B3GALT1: variants seen among roughly 807,000 people sequenced by gnomAD.
B3GALT1 encodes UDP-Gal:betaGlcNAc beta 1,3-galactosyltransferase, polypeptide 1.
In B3GALT1, 10 loss-of-function variants were observed where a neutral mutation model predicts 23.2. That is an observed-to-expected ratio of 0.43 (90% CI 0.27 to 0.73). The LOEUF (loss-of-function observed/expected upper bound fraction) is 0.73. Ranked by LOEUF, B3GALT1 falls within the 30% of genes least tolerant of loss-of-function variation. The pLI, the probability that B3GALT1 is intolerant of heterozygous loss-of-function variation, is 0.21. For missense variants in B3GALT1, 299 were observed against 405.4 expected (o/e 0.74, Z 2.25); for synonymous variants, 156 against 141.5 (o/e 1.10, Z -0.73).
chr2:167,438,938 G>A (rs1163456551), intron 1 of B3GALT1, among the ~76,000 whole-genome samples: 1 of 152,154 alleles, frequency 6.6e-6, no homozygotes, highest in African/African-American at 2.4e-5. Flanking sequence ...TCCATCTATA[G>A]CGCATAGAAA....
At chr2:167,601,247 A>T (rs1311929586) in intron 2 of B3GALT1, among the ~76,000 whole-genome samples, 1 of 151,396 alleles carries the variant, frequency 6.6e-6, no homozygotes, top group African/African-American at 2.4e-5. Flanking sequence ...TTTAATAGAG[A>T]TGGGGTGGCC....
At chr2:167,836,709 C>G (rs1477728037) in intron 4 of B3GALT1, among the ~76,000 whole-genome samples, 6 of 152,082 alleles carry the variant, frequency 3.9e-5, no homozygotes, top group African/African-American at 1.2e-4. Context: ...AAGAGCAACT[C>G]CAAGACACAT....
chr2:167,416,738 G>C (rs1698477006), intron 1 of B3GALT1, among the ~76,000 whole-genome samples: 1 of 152,144 alleles, frequency 6.6e-6, no homozygotes, highest in Non-Finnish European at 1.5e-5. Context: ...CATAGAGATG[G>C]GGCTACCTGA....
intron 2 of B3GALT1, among the ~76,000 whole-genome samples, chr2:167,582,520 T>C (rs1574151516): frequency 6.6e-6 from 1 of 152,224 alleles, no homozygotes; most frequent in Non-Finnish European, 1.5e-5. Context: ...CTAAAGATAG[T>C]CCAAACATAA....
chr2:167,765,018 C>T (rs1283660635), intron 3 of B3GALT1, among the ~76,000 whole-genome samples: 1 of 152,126 alleles, frequency 6.6e-6, no homozygotes, highest in Non-Finnish European at 1.5e-5. Flanking sequence ...GGAACCTTTA[C>T]CCACCTGCAT....
At chr2:167,413,030 C>T (rs1574069286) in intron 1 of B3GALT1, among the ~76,000 whole-genome samples, 3 of 152,150 alleles carry the variant, frequency 2.0e-5, no homozygotes, top group Non-Finnish European at 4.4e-5. Flanking sequence ...TGAGGGATAA[C>T]GTCTAGAAGA....
In B3GALT1 at chr2:167,872,340, A is replaced by C. The variant is rs374010277; in HGVS notation, c.*2320A>C. 68 of 152,318 alleles carry C rather than the reference A, an allele frequency of 4.5e-4. 1 individual carries two copies. The highest frequency in any genetic ancestry group is 1.6e-3 in the African/African-American group (66 of 41,542). The allele number at this position is 152,318 out of a possible 1,614,324, so 9.4% of individuals were successfully genotyped here. A position where few individuals can be genotyped will look rare whatever the true frequency, so the allele number is the denominator to read the frequency against. ...CTCATCCCCCACCCGAAAGGACCTG[A>C]TATGAGACAAGACTTCCCATCCCTT... is the stretch of plus-strand genomic sequence containing the variant. On this transcript the variant is annotated 3_prime_UTR_variant, in exon 5 of 5. Coordinates refer to ENST00000392690, the MANE Select transcript of B3GALT1 (RefSeq NM_020981.4).
intron 3 of B3GALT1, among the ~76,000 whole-genome samples, chr2:167,802,772 G>A (rs1485188565): frequency 6.6e-6 from 1 of 152,096 alleles, no homozygotes; most frequent in East Asian, 1.9e-4. Flanking sequence ...AGCAACGCAT[G>A]TAATCCAAGA....
intron 3 of B3GALT1, chr2:167,814,661 G>A (rs1688957698): frequency 6.6e-6 from 1 of 152,348 alleles, no homozygotes; most frequent in East Asian, 1.9e-4. Flanking sequence ...GGGAGGCTGA[G>A]ATAGAAGAAT....
chr2:167,294,724 C>T (rs995400926), intron 1 of B3GALT1, among the ~76,000 whole-genome samples: 2 of 152,244 alleles, frequency 1.3e-5, no homozygotes, highest in Non-Finnish European at 2.9e-5. Flanking sequence ...GGAACATCAG[C>T]TCCCTGCCTG....
chr2:167,520,150 A>T (rs1465703852), intron 2 of B3GALT1, among the ~76,000 whole-genome samples: 1 of 152,184 alleles, frequency 6.6e-6, no homozygotes, highest in Non-Finnish European at 1.5e-5. Flanking sequence ...AGATAAAAAT[A>T]TAAACTTTAT....
At chr2:167,354,320 T>G (rs983562589) in intron 1 of B3GALT1, among the ~76,000 whole-genome samples, 7 of 151,536 alleles carry the variant, frequency 4.6e-5, no homozygotes, top group Non-Finnish European at 1.0e-4. Context: ...ACTAGTAGAC[T>G]AGTTGTTTCT....
intron 1 of B3GALT1, among the ~76,000 whole-genome samples, chr2:167,386,976 C>T (rs1208987316): frequency 1.3e-5 from 2 of 151,198 alleles, no homozygotes; most frequent in Admixed American, 6.6e-5. Context: ...CTTTAGGGCT[C>T]TGTGGAACAC....
chr2:167,489,453 G>C (rs1315435230), intron 1 of B3GALT1, among the ~76,000 whole-genome samples: 1 of 152,194 alleles, frequency 6.6e-6, no homozygotes, highest in Non-Finnish European at 1.5e-5. Flanking sequence ...GCAGTGGAAA[G>C]AAGCTTGCCA....
rs539403299 is a variant in B3GALT1, at chr2:167,576,932, A to T, written c.-409-69977A>T. The stretch of plus-strand genomic sequence containing the variant: ...GCTTTTAAGGAGAAAGTAATGGAGA[A>T]AACAAAAGAGAAATCCTATCCCTGA... On this transcript the variant is annotated intron_variant, in intron 2 of 4. Transcript: ENST00000392690. 2.4e-4 allele frequency among the ~76,000 whole-genome samples: 37 copies of T among 151,898 alleles called. No homozygotes were observed. The South Asian group carries it at 7.5e-3, about 31-fold the overall frequency.
intron 3 of B3GALT1, among the ~76,000 whole-genome samples, chr2:167,787,338 A>G (rs1688358435): frequency 6.6e-6 from 1 of 152,210 alleles, no homozygotes; most frequent in African/African-American, 2.4e-5. Context: ...AAAACATGAT[A>G]GCTCCTTAGA....
chr2:167,869,838 T>A lies in B3GALT1; in HGVS notation c.799T>A (p.Tyr267Asn). ...HTRLLHLEDVYVGLCLRKLGI... is the reference protein window; with the variant it reads ...HTRLLHLEDVNVGLCLRKLGI... The stretch of plus-strand genomic sequence containing the variant: ...AAGGCTGCTTCACCTTGAAGACGTA[T>A]ATGTGGGACTGTGTCTTCGAAAGCT... The change falls in exon 5 of 5, where the codon TAT (tyrosine) becomes AAT (asparagine). Residue 267 changes from tyrosine (Y) to asparagine (N), a missense_variant. Physicochemically the swap from Tyr to Asn is moderately radical, Grantham distance 143. Transcript: ENST00000392690. This position sits in a 1 kb window ranked among gnomAD's most constrained non-coding sequence, Gnocchi z 6.4. The A allele has an allele frequency of 6.2e-7, 1 of 1,614,122 alleles. No individual in the cohort carries two copies.
At chr2:167,686,394 A>G (rs1011651774) in intron 3 of B3GALT1, among the ~76,000 whole-genome samples, 1 of 152,180 alleles carries the variant, frequency 6.6e-6, no homozygotes, top group Non-Finnish European at 1.5e-5. Flanking sequence ...AAAATTCGGC[A>G]ATGCTTATTC....
At chr2:167,436,508 T>A (rs991611198) in intron 1 of B3GALT1, among the ~76,000 whole-genome samples, 7 of 152,222 alleles carry the variant, frequency 4.6e-5, no homozygotes, top group Non-Finnish European at 8.8e-5. Flanking sequence ...TCATTGCTGT[T>A]AGTTACCACC....
Sources: gnomAD v4.1 joint callset for allele counts (sites outside exome capture counted in the v4.1 genomes callset) on GRCh38, gnomAD v4.1.1 for gene constraint, Gnocchi (gnomAD v3.1) non-coding constraint, MANE v1.5 for transcripts, NCBI Gene and HGNC (gene_info 2026-07-23, HGNC 2026-07-21) for gene names.